Variants in OSBPL6 observed in about 807,000 individuals in gnomAD.
The protein encoded by OSBPL6 is oxysterol-binding protein-related protein 6.
A neutral mutation model predicts 125.8 loss-of-function variants in OSBPL6; 49 were observed. The observed-to-expected ratio is 0.39, with a 90% CI of 0.31 to 0.49. The LOEUF (loss-of-function observed/expected upper bound fraction) is 0.49, where lower values mean the gene tolerates loss of function less well. OSBPL6 is among the 20% of genes least tolerant of loss of function. The pLI, the probability that OSBPL6 is intolerant of heterozygous loss-of-function variation, is 0.88. For missense variants in OSBPL6, 986 were observed against 1,135.4 expected (o/e 0.87, Z 1.89); for synonymous variants, 394 against 391.8 (o/e 1.01, Z -0.07).
At chr2:178,268,872 C>A (rs996700904) in intron 1 of OSBPL6, among the ~76,000 whole-genome samples, 17 of 152,034 alleles carry the variant, frequency 1.1e-4, no homozygotes, top group African/African-American at 3.6e-4. Context: ...GACACGCCTG[C>A]CCATTTTTTC....
intron 9 of OSBPL6, among the ~76,000 whole-genome samples, chr2:178,336,871 C>G (rs1256617127): frequency 6.6e-6 from 1 of 152,220 alleles, no homozygotes; most frequent in African/African-American, 2.4e-5. Flanking sequence ...CTCTTCTGCT[C>G]TGTCTTGCCC....
At chr2:178,223,376 A>T (rs1435533303) in intron 1 of OSBPL6, among the ~76,000 whole-genome samples, 2 of 152,154 alleles carry the variant, frequency 1.3e-5, no homozygotes, top group African/African-American at 4.8e-5. Context: ...GTGAGAGCAT[A>T]ATGTATTAGA....
intron 19 of OSBPL6, among the ~76,000 whole-genome samples, chr2:178,386,752 G>T (rs7572243): frequency 6.7e-6 from 1 of 149,698 alleles, no homozygotes; most frequent in Non-Finnish European, 1.5e-5. Flanking sequence ...CACACACACC[G>T]CACACACACT....
chr2:178,331,628 T>G (rs1477377798), intron 6 of OSBPL6, 23 bp downstream of exon 6: 1 of 1,612,798 alleles, frequency 6.2e-7, no homozygotes, highest in Non-Finnish European at 8.5e-7. Context: ...CAGGACATGT[T>G]TCAAAGGTTG....
chr2:178,274,798 T>C (rs1321708651), intron 1 of OSBPL6, among the ~76,000 whole-genome samples: 1 of 152,222 alleles, frequency 6.6e-6, no homozygotes, highest in Non-Finnish European at 1.5e-5. Context: ...TGTTGTCCAC[T>C]CAACAGTATG....
At chr2:178,303,330 G>T (rs901173262) in intron 2 of OSBPL6, among the ~76,000 whole-genome samples, 1 of 152,088 alleles carries the variant, frequency 6.6e-6, no homozygotes, top group Middle Eastern at 3.2e-3. Flanking sequence ...TTTAAGACTG[G>T]ATTACAAGTT....
chr2:178,219,601 G>A (rs1167957319), intron 1 of OSBPL6, among the ~76,000 whole-genome samples: 1 of 152,184 alleles, frequency 6.6e-6, no homozygotes, highest in African/African-American at 2.4e-5. Context: ...CCTCCGAATG[G>A]CTGATTCTTG....
At chr2:178,240,197 T>C (rs1358113703) in intron 1 of OSBPL6, among the ~76,000 whole-genome samples, 2 of 152,166 alleles carry the variant, frequency 1.3e-5, no homozygotes, top group African/African-American at 2.4e-5. Context: ...GAAAAGGTTC[T>C]GGAGATGGAT....
chr2:178,338,274 G>GTT (rs79923502), intron 9 of OSBPL6, among the ~76,000 whole-genome samples: 28 of 149,048 alleles, frequency 1.9e-4, no homozygotes, highest in African/African-American at 6.9e-4. Context: ...TTAAAGGTCA[G>GTT]TTTTTTTTTT....
intron 1 of OSBPL6, among the ~76,000 whole-genome samples, chr2:178,265,851 T>G (rs1252008910): frequency 6.6e-6 from 1 of 152,110 alleles, no homozygotes; most frequent in Non-Finnish European, 1.5e-5. Context: ...TTGAGCATCA[T>G]GTAGCTTTGA....
chr2:178,236,237 A>G (rs2091047261), intron 1 of OSBPL6, among the ~76,000 whole-genome samples: 1 of 152,210 alleles, frequency 6.6e-6, no homozygotes, highest in South Asian at 2.1e-4. Flanking sequence ...AAAAAAAATT[A>G]TAAGTTTAGT....
intron 16 of OSBPL6, 103 bp downstream of exon 16, chr2:178,382,610 G>A: frequency 6.7e-7 from 1 of 1,499,746 alleles, no homozygotes. Flanking sequence ...CCCCACCCCT[G>A]CTAATTGTTC....
intron 1 of OSBPL6, among the ~76,000 whole-genome samples, chr2:178,235,393 C>CTT (rs1207796881): frequency 3.1e-5 from 2 of 64,534 alleles, no homozygotes; most frequent in Non-Finnish European, 6.6e-5. Flanking sequence ...TTTTTCTTTT[C>CTT]TTTTCTTTTT....
intron 18 of OSBPL6, among the ~76,000 whole-genome samples, chr2:178,384,559 T>C (rs893113435): frequency 2.0e-5 from 3 of 152,218 alleles, no homozygotes; most frequent in Admixed American, 1.3e-4. Flanking sequence ...TTTGGGTCTC[T>C]GATCAGCCTT....
intron 1 of OSBPL6, among the ~76,000 whole-genome samples, chr2:178,199,170 G>C (rs984352635): frequency 5.9e-5 from 9 of 152,154 alleles, no homozygotes; most frequent in African/African-American, 2.2e-4. Context: ...TAATCCCTAT[G>C]TGTGATTAAA....
chr2:178,297,687 A>G (rs539348404), intron 2 of OSBPL6, among the ~76,000 whole-genome samples: 5 of 152,234 alleles, frequency 3.3e-5, no homozygotes, highest in Admixed American at 6.5e-5. Flanking sequence ...TCAGAAATAT[A>G]TGTATGTGTA....
chr2:178,380,042 G>GTTTAAACAAAGTTTAAACAT (rs1320294935), intron 15 of OSBPL6, among the ~76,000 whole-genome samples: 1 of 151,988 alleles, frequency 6.6e-6, no homozygotes, highest in Non-Finnish European at 1.5e-5. Flanking sequence ...CAAAAGAATT[G>GTTTAAACAAAGTTTAAACAT]GCATAAACAA....
chr2:178,359,744 G>A (rs1299374698), intron 12 of OSBPL6, among the ~76,000 whole-genome samples: 1 of 152,188 alleles, frequency 6.6e-6, no homozygotes, highest in East Asian at 1.9e-4. Context: ...AAGCGATCCT[G>A]CCAATTGCCA....
chr2:178,243,949 C>G (rs944151563), intron 1 of OSBPL6, among the ~76,000 whole-genome samples: 2 of 152,218 alleles, frequency 1.3e-5, no homozygotes, highest in Admixed American at 6.5e-5. Flanking sequence ...ACACGCCTGG[C>G]CCATTCATTG....
Sources: allele counts gnomAD v4.1 joint callset (sites outside exome capture counted in the v4.1 genomes callset), GRCh38; gene constraint gnomAD v4.1.1; transcripts MANE v1.5; gene names NCBI Gene and HGNC (gene_info 2026-07-23, HGNC 2026-07-21).